ADARB2: variants seen among roughly 807,000 people sequenced by gnomAD.
ADARB2 encodes adenosine deaminase RNA specific B2 (inactive), also known as inactive double-stranded RNA-specific editase B2.
ADARB2 carries 25 observed loss-of-function variants against 62.2 expected under a neutral mutation model. That is an observed-to-expected ratio of 0.40 (90% CI 0.29 to 0.56). The LOEUF is 0.56. Ranked by LOEUF, ADARB2 falls within the 20% of genes least tolerant of loss-of-function variation. The probability of loss-of-function intolerance (pLI) is 0.43; values close to 1 mark genes in which losing one functional copy is unlikely to be tolerated. For synonymous variants in ADARB2, 572 were observed against 500.8 expected (o/e 1.14, Z -1.90); for missense variants, 1,071 against 1,077.4 (o/e 0.99, Z 0.08).
At chr10:1,392,721 G>A (rs1337616517) in intron 1 of ADARB2, among the ~76,000 whole-genome samples, 2 of 152,208 alleles carry the variant, frequency 1.3e-5, no homozygotes, top group East Asian at 1.9e-4. Flanking sequence ...TGTAAAACAC[G>A]AGAAGGTTTG....
chr10:1,185,067 G>C, intron 8 of ADARB2, 28 bp from the exon 9 acceptor site: 1 of 1,600,160 alleles, frequency 6.2e-7, no homozygotes, highest in South Asian at 1.1e-5. Context: ...AAAGGCGGGC[G>C]TTAATATTCC....
intron 1 of ADARB2, among the ~76,000 whole-genome samples, chr10:1,510,182 C>T (rs1032736346): frequency 8.7e-5 from 9 of 103,354 alleles, no homozygotes; most frequent in African/African-American, 2.9e-4. Context: ...TTCTTTCTTT[C>T]TTTTTCTTTC....
chr10:1,267,178 G>A (rs1193637920), intron 4 of ADARB2, among the ~76,000 whole-genome samples: 2 of 151,802 alleles, frequency 1.3e-5, no homozygotes, highest in African/African-American at 4.8e-5. Flanking sequence ...GGTAGGTGTG[G>A]GTGCTGGTCA....
At chr10:1,474,241 C>T (rs935868041) in intron 1 of ADARB2, among the ~76,000 whole-genome samples, 7 of 152,242 alleles carry the variant, frequency 4.6e-5, no homozygotes, top group African/African-American at 1.7e-4. Flanking sequence ...GAGCTCCCAG[C>T]ATCCTTGTGT....
chr10:1,486,208 G>A (rs985329990), intron 1 of ADARB2, among the ~76,000 whole-genome samples: 2 of 140,374 alleles, frequency 1.4e-5, no homozygotes, highest in South Asian at 2.3e-4. Flanking sequence ...GTGTGTGGAC[G>A]CCTGTGTGTG....
In ADARB2 at chr10:1,461,662, C is replaced by CT. The variant is rs202192408; in HGVS notation, c.101-82503dup. 1.3e-3 allele frequency among the ~76,000 whole-genome samples: 175 copies of CT among 132,446 alleles called. 1 individual carries two copies. The highest frequency in any genetic ancestry group is 4.0e-3 in the African/African-American group (149 of 36,852). The allele number at this position is 132,446 out of a possible 152,430, so 86.9% of individuals were successfully genotyped here. ...TAAGCTGCCAGGTGAGTTTCTTAAT[C>CT]TTTTTTTTTTCCTTTTTTTCTTGAA... On this transcript the variant is annotated intron_variant, in intron 1 of 9. Transcript: ENST00000381312.
intron 1 of ADARB2, among the ~76,000 whole-genome samples, chr10:1,399,814 T>C (rs1257367972): frequency 6.6e-6 from 1 of 152,190 alleles, no homozygotes; most frequent in African/African-American, 2.4e-5. Context: ...ACAACAATAA[T>C]AATGAAACAA....
intron 8 of ADARB2, among the ~76,000 whole-genome samples, chr10:1,196,916 G>T (rs1287943185): frequency 6.6e-6 from 1 of 152,152 alleles, no homozygotes; most frequent in Non-Finnish European, 1.5e-5. Flanking sequence ...CTGCCTTTTA[G>T]ATTGTTCTAG....
intron 6 of ADARB2, among the ~76,000 whole-genome samples, chr10:1,229,226 T>G (rs2131765830): frequency 6.6e-6 from 1 of 152,340 alleles, no homozygotes; most frequent in South Asian, 2.1e-4. Flanking sequence ...TAGGGCCATC[T>G]AGAATTTCTC....
In ADARB2 at chr10:1,589,010, C is replaced by T. The variant is rs145858226; in HGVS notation, c.100+148041G>A. ...AATCTAAAACCCTGTGGCTGGGAGA[C>T]GTAACCTGAAGCGACCTAAGGCTCT... On this transcript the variant is annotated intron_variant, in intron 1 of 9. Transcript: ENST00000381312. Among the ~76,000 whole-genome samples, 798 of 152,298 alleles carry T rather than the reference C, an allele frequency of 5.2e-3. 10 individuals carry two copies. The highest frequency in any genetic ancestry group is 0.018 in the African/African-American group (748 of 41,556).
chr10:1,456,384 C>T (rs748281213), intron 1 of ADARB2, among the ~76,000 whole-genome samples: 24 of 152,142 alleles, frequency 1.6e-4, no homozygotes, highest in Non-Finnish European at 3.2e-4. Context: ...GGCTCCTGCC[C>T]GGAAGACGTC....
rs375397682 is a variant in ADARB2 at position 1,697,120 on chromosome 10, C to T, written c.100+39931G>A. ...TTCATTTCTGTTTCTTCTCTTGAAT[C>T]CACCTCCCTGCTCATCTGGGTGGGG... On this transcript the variant is annotated intron_variant, in intron 1 of 9. Coordinates refer to ENST00000381312, the MANE Select transcript of ADARB2 (RefSeq NM_018702.4). Among the ~76,000 whole-genome samples the T allele has an allele frequency of 2.0e-4, 31 of 152,262 alleles. No homozygotes were observed. The South Asian group carries it at 6.4e-3, about 32-fold the overall frequency.
At chr10:1,198,397 T>C (rs1002482288) in intron 8 of ADARB2, among the ~76,000 whole-genome samples, 4 of 152,250 alleles carry the variant, frequency 2.6e-5, no homozygotes, top group Non-Finnish European at 5.9e-5. Context: ...AAGATCTCTC[T>C]CTCTCTTTCT....
intron 1 of ADARB2, among the ~76,000 whole-genome samples, chr10:1,575,199 T>C (rs1375674543): frequency 6.6e-6 from 1 of 152,110 alleles, no homozygotes. Flanking sequence ...ACGGCTTGCT[T>C]GTGATTGGAT....
intron 3 of ADARB2, among the ~76,000 whole-genome samples, chr10:1,294,228 C>A (rs1038630420): frequency 2.8e-4 from 42 of 152,282 alleles, no homozygotes; most frequent in African/African-American, 1.0e-3. Flanking sequence ...ATCTCTCCAT[C>A]GGGGTGTGCT....
intron 1 of ADARB2, among the ~76,000 whole-genome samples, chr10:1,689,076 G>C (rs1205068227): frequency 2.0e-5 from 3 of 152,208 alleles, no homozygotes; most frequent in Non-Finnish European, 2.9e-5. Flanking sequence ...ATTTGTTAGA[G>C]AAAGTAGGAA....
intron 2 of ADARB2, among the ~76,000 whole-genome samples, chr10:1,374,944 C>T (rs985978197): frequency 4.0e-5 from 6 of 151,462 alleles, no homozygotes; most frequent in Middle Eastern, 3.4e-3. Flanking sequence ...GGCAGAGGGT[C>T]TGGAAGCGAC....
At chr10:1,696,993 G>C (rs1834755078) in intron 1 of ADARB2, among the ~76,000 whole-genome samples, 1 of 151,604 alleles carries the variant, frequency 6.6e-6, no homozygotes, top group Non-Finnish European at 1.5e-5. Flanking sequence ...TAGCTTATTA[G>C]CTATCGTTAA....
At position 1,188,663 on chromosome 10, in the gene ADARB2, T is replaced by C. The variant is rs186937163; in HGVS notation, c.1865-3624A>G. Among the ~76,000 whole-genome samples, 474 of 151,608 alleles carry C rather than the reference T, an allele frequency of 3.1e-3. 4 individuals carry two copies. Among genetic ancestry groups the C allele is most frequent in the African/African-American group, 0.011 (454 of 41,282 alleles). On this transcript the variant is annotated intron_variant, in intron 8 of 9. Transcript: ENST00000381312. ...TCCATAGAGAGATAGTGTTGGGATG[T>C]TTCCTGAATACTCACACAGGCAGTA...
Sources: allele counts gnomAD v4.1 joint callset (sites outside exome capture counted in the v4.1 genomes callset), GRCh38; gene constraint gnomAD v4.1.1; transcripts MANE v1.5; gene names NCBI Gene and HGNC (gene_info 2026-07-23, HGNC 2026-07-21).